ROBO2: variants seen among roughly 807,000 people sequenced by gnomAD.
ROBO2 encodes roundabout homolog 2.
ROBO2 carries 53 observed loss-of-function variants against 160.8 expected under a neutral mutation model. The observed-to-expected ratio is 0.33, with a 90% CI of 0.26 to 0.41. The LOEUF (loss-of-function observed/expected upper bound fraction) is 0.41, where lower values mean the gene tolerates loss of function less well. Ranked by LOEUF, ROBO2 falls within the 10% of genes least tolerant of loss-of-function variation. The pLI, the probability that ROBO2 is intolerant of heterozygous loss-of-function variation, is 1.00. For synonymous variants in ROBO2, 664 were observed against 611.7 expected, an observed-to-expected ratio of 1.09 and a Z score of -1.26; for missense variants, 1,577 against 1,722.4, an observed-to-expected ratio of 0.92 and a Z score of 1.49.
chr3:77,314,318 A>G (rs1341745381), intron 2 of ROBO2, among the ~76,000 whole-genome samples: 1 of 152,198 alleles, frequency 6.6e-6, no homozygotes, highest in African/African-American at 2.4e-5. Flanking sequence ...TACTTAGTCT[A>G]CATGCTGACT....
At chr3:76,446,937 C>G (rs979264849) in intron 2 of ROBO2, among the ~76,000 whole-genome samples, 1 of 152,068 alleles carries the variant, frequency 6.6e-6, no homozygotes, top group Non-Finnish European at 1.5e-5. Flanking sequence ...CCATAAAAAC[C>G]CTAGAAGAAA....
intron 2 of ROBO2, among the ~76,000 whole-genome samples, chr3:76,817,840 T>C (rs2065814047): frequency 6.6e-6 from 1 of 151,764 alleles, no homozygotes; most frequent in Non-Finnish European, 1.5e-5. Flanking sequence ...TTTTTTTTTT[T>C]TTTTTGGCTG....
chr3:76,107,764 T>G (rs1248387600), intron 2 of ROBO2, among the ~76,000 whole-genome samples: 1 of 152,266 alleles, frequency 6.6e-6, no homozygotes, highest in African/African-American at 2.4e-5. Flanking sequence ...ACCTGGTCAC[T>G]AACGGTTTCT....
At chr3:76,799,249 A>G (rs1467629539) in intron 2 of ROBO2, among the ~76,000 whole-genome samples, 6 of 151,828 alleles carry the variant, frequency 4.0e-5, no homozygotes, top group East Asian at 3.9e-4. Flanking sequence ...AAAAACGTAT[A>G]TAACAGACTC....
intron 2 of ROBO2, among the ~76,000 whole-genome samples, chr3:75,985,094 T>G (rs2065378716): frequency 6.6e-6 from 1 of 151,454 alleles, no homozygotes; most frequent in Non-Finnish European, 1.5e-5. Flanking sequence ...CATATACTCT[T>G]CTAAAAATTG....
At position 77,154,940 on chromosome 3, in the gene ROBO2, G is replaced by C. The variant is rs367883793; in HGVS notation, c.388+56600G>C. ...ACTAGACTCAGTACCTGAGTGATGG[G>C]ATTATTTGTACTCCAAACCTAAGCA... On this transcript the variant is annotated intron_variant, in intron 2 of 25. Coordinates refer to ENST00000461745, the Ensembl canonical transcript of ROBO2. Among the ~76,000 whole-genome samples the C allele has an allele frequency of 5.9e-5, 9 of 151,908 alleles. No individual in the cohort carries two copies. In the East Asian group the frequency reaches 1.4e-3, roughly 23 times the overall value.
chr3:76,567,639 A>G (rs1461351584), intron 2 of ROBO2, among the ~76,000 whole-genome samples: 1 of 91,114 alleles, frequency 1.1e-5, no homozygotes, highest in Admixed American at 1.2e-4. Flanking sequence ...ATATATATAT[A>G]TATATATATA....
chr3:77,520,072 C>T (rs2090440316), intron 5 of ROBO2, among the ~76,000 whole-genome samples: 1 of 151,170 alleles, frequency 6.6e-6, no homozygotes, highest in African/African-American at 2.4e-5. Flanking sequence ...CAGGAGATCA[C>T]TTTTACATTT....
intron 2 of ROBO2, chr3:76,434,876 A>C: frequency 6.3e-7 from 1 of 1,588,676 alleles, no homozygotes; most frequent in Non-Finnish European, 8.6e-7. Flanking sequence ...AGAGTGGTCC[A>C]GTATGCAGTG....
intron 5 of ROBO2, among the ~76,000 whole-genome samples, chr3:77,494,149 G>A (rs1008525479): frequency 3.3e-5 from 5 of 152,108 alleles, no homozygotes; most frequent in African/African-American, 9.7e-5. Flanking sequence ...TTTAACACAA[G>A]TAATTTTATC....
At chr3:77,014,413 C>T (rs1269908847) in intron 2 of ROBO2, among the ~76,000 whole-genome samples, 1 of 152,142 alleles carries the variant, frequency 6.6e-6, no homozygotes, top group Non-Finnish European at 1.5e-5. Context: ...CAGGGCTATG[C>T]TTGAATAGAG....
chr3:76,806,214 C>CGTGT (rs71104623), intron 2 of ROBO2, among the ~76,000 whole-genome samples: 18,350 of 145,608 alleles, frequency 0.13, 2,142 homozygotes, highest in African/African-American at 0.31. Context: ...TTTCTGTGTG[C>CGTGT]GTGTGTGTGT....
At chr3:77,067,554 A>T (rs2066987925) in intron 1 of ROBO2, among the ~76,000 whole-genome samples, 1 of 152,220 alleles carries the variant, frequency 6.6e-6, no homozygotes, top group African/African-American at 2.4e-5. Context: ...AGGGGAAAAT[A>T]TCACAGGATT....
intron 2 of ROBO2, among the ~76,000 whole-genome samples, chr3:77,334,736 G>GTATATA (rs111657603): frequency 4.7e-5 from 7 of 150,200 alleles, no homozygotes; most frequent in African/African-American, 1.2e-4. Flanking sequence ...TTCAGGAACT[G>GTATATA]TATATATATA....
intron 2 of ROBO2, among the ~76,000 whole-genome samples, chr3:76,444,735 G>T (rs1193733195): frequency 4.6e-5 from 7 of 152,138 alleles, no homozygotes. Flanking sequence ...GATGATATTT[G>T]AATGGGGACA....
chr3:77,328,343 A>G (rs957788592), intron 2 of ROBO2, among the ~76,000 whole-genome samples: 1 of 152,310 alleles, frequency 6.6e-6, no homozygotes, highest in East Asian at 1.9e-4. Flanking sequence ...GAACGGAATT[A>G]TATTTTAAGA....
At chr3:76,591,189 A>C (rs1202000507) in intron 2 of ROBO2, among the ~76,000 whole-genome samples, 1 of 152,194 alleles carries the variant, frequency 6.6e-6, no homozygotes. Flanking sequence ...TTGGATTATT[A>C]CAAAAAGGTA....
chr3:77,246,745 A>T (rs1432031972), intron 2 of ROBO2, among the ~76,000 whole-genome samples: 1 of 152,244 alleles, frequency 6.6e-6, no homozygotes, highest in African/African-American at 2.4e-5. Context: ...GCTATCAAGC[A>T]AGCAATGTAA....
intron 2 of ROBO2, among the ~76,000 whole-genome samples, chr3:76,021,898 T>C (rs1012439992): frequency 2.0e-5 from 3 of 151,112 alleles, no homozygotes; most frequent in African/African-American, 4.9e-5. Context: ...TGGTTGACTT[T>C]TCCTTTCGTG....
Sources: allele counts gnomAD v4.1 joint callset (sites outside exome capture counted in the v4.1 genomes callset), GRCh38; gene constraint gnomAD v4.1.1; transcripts MANE v1.5; gene names NCBI Gene and HGNC (gene_info 2026-07-23, HGNC 2026-07-21).